Variants in KCNH7 observed in about 807,000 individuals in gnomAD.
KCNH7 encodes potassium voltage-gated channel subfamily H member 7.
KCNH7 carries 49 observed loss-of-function variants against 120.8 expected under a neutral mutation model. The ratio of observed to expected loss-of-function variants is 0.41; its 90% confidence interval spans 0.32 to 0.51. KCNH7 has a LOEUF of 0.51. Ranked by LOEUF, KCNH7 falls within the 20% of genes least tolerant of loss-of-function variation. The pLI, the probability that KCNH7 is intolerant of heterozygous loss-of-function variation, is 0.38. For missense variants in KCNH7, 1,097 were observed against 1,446.6 expected (o/e 0.76, Z 3.92); for synonymous variants, 547 against 516.1 (o/e 1.06, Z -0.81).
intron 6 of KCNH7, among the ~76,000 whole-genome samples, chr2:162,476,129 T>C (rs756015684): frequency 9.2e-5 from 14 of 152,182 alleles, no homozygotes; most frequent in Non-Finnish European, 1.8e-4. Context: ...AAGCCTGCCA[T>C]CTCATTAAAG....
chr2:162,626,817 C>T lies in KCNH7; in HGVS notation c.308-89737G>A, dbSNP rs539589929. 2.5e-3 allele frequency among the ~76,000 whole-genome samples: 378 copies of T among 152,090 alleles called. 1 individual carries two copies. The highest frequency in any genetic ancestry group is 4.2e-3 in the Non-Finnish European group (286 of 67,990). ...CATTAAAGGTAATTAGTTAAAAGGA[C>T]GATTATCATTATAGGAAATAGAGGG... On this transcript the variant is annotated intron_variant, in intron 2 of 15. Transcript: ENST00000332142.
At chr2:162,513,993 C>T (rs1029083078) in intron 4 of KCNH7, among the ~76,000 whole-genome samples, 1 of 151,704 alleles carries the variant, frequency 6.6e-6, no homozygotes, top group Non-Finnish European at 1.5e-5. Flanking sequence ...GCATTACTAG[C>T]TATGAAACAC....
At chr2:162,404,581 CT>C in intron 9 of KCNH7, among the ~76,000 whole-genome samples, 1 of 151,908 alleles carries the variant, frequency 6.6e-6, no homozygotes, top group East Asian at 2.0e-4. Flanking sequence ...GTAACACCTC[CT>C]TCCACTCTCT....
chr2:162,549,347 G>C lies in KCNH7; in HGVS notation c.308-12267C>G, dbSNP rs561624091. Among the ~76,000 whole-genome samples, 3 of 152,330 alleles carry C rather than the reference G, an allele frequency of 2.0e-5. No individual in the cohort carries two copies. The South Asian group carries it at 6.2e-4, about 32-fold the overall frequency. ...CTGGGGTTAATTCCATCAGCTGAAG[G>C]TTAAGCCGTTAGCTTCTCTAAACAG... On this transcript the variant is annotated intron_variant, in intron 2 of 15. Transcript: ENST00000332142.
At chr2:162,587,584 C>G (rs541132847) in intron 2 of KCNH7, among the ~76,000 whole-genome samples, 175 of 152,144 alleles carry the variant, frequency 1.2e-3, no homozygotes, top group African/African-American at 4.0e-3. Context: ...TAGTTACACA[C>G]ACACACGCAA....
chr2:162,404,221 A>G (rs184465986), intron 9 of KCNH7, among the ~76,000 whole-genome samples: 1 of 152,022 alleles, frequency 6.6e-6, no homozygotes, highest in East Asian at 2.0e-4. Context: ...TTGACTGTCC[A>G]TGCTTGAAGT....
At chr2:162,552,853 A>C (rs760442323) in intron 2 of KCNH7, among the ~76,000 whole-genome samples, 69 of 152,308 alleles carry the variant, frequency 4.5e-4, no homozygotes, top group Non-Finnish European at 9.1e-4. Context: ...GCCATTAACC[A>C]GTGAGTTTGG....
intron 2 of KCNH7, among the ~76,000 whole-genome samples, chr2:162,814,064 C>T (rs1046829362): frequency 7.2e-5 from 11 of 152,058 alleles, no homozygotes; most frequent in African/African-American, 2.7e-4. Flanking sequence ...TGATGCCAAG[C>T]GACCTTGGGC....
chr2:162,439,388 G>T (rs551926821), intron 7 of KCNH7, among the ~76,000 whole-genome samples: 2 of 152,102 alleles, frequency 1.3e-5, no homozygotes, highest in Admixed American at 6.6e-5. Context: ...TACAAAAACA[G>T]GTGAGTCATT....
At chr2:162,772,026 A>G (rs1683073014) in intron 2 of KCNH7, 1 of 152,192 alleles carries the variant, frequency 6.6e-6, no homozygotes, top group South Asian at 2.1e-4. Context: ...AAGTATAAAG[A>G]TAAGAAGAAC....
chr2:162,417,804 T>G (rs1687584664), intron 9 of KCNH7, among the ~76,000 whole-genome samples: 1 of 152,162 alleles, frequency 6.6e-6, no homozygotes. Flanking sequence ...AAGATGAACA[T>G]GTACCATTTG....
intron 2 of KCNH7, among the ~76,000 whole-genome samples, chr2:162,578,341 G>T (rs1341369294): frequency 2.0e-5 from 3 of 151,944 alleles, no homozygotes; most frequent in Non-Finnish European, 4.4e-5. Context: ...GTGCTTTACG[G>T]CTTTCAAACA....
chr2:162,790,046 T>C (rs1015261732), intron 2 of KCNH7, among the ~76,000 whole-genome samples: 6 of 151,358 alleles, frequency 4.0e-5, no homozygotes, highest in African/African-American at 1.2e-4. Context: ...TCAATAAAAA[T>C]AGGAGTTGTT....
chr2:162,796,297 T>A (rs185126540), intron 2 of KCNH7: 219 of 152,016 alleles, frequency 1.4e-3, no homozygotes, highest in African/African-American at 4.9e-3. Context: ...AGATTGAATG[T>A]GATAATGCAT....
intron 7 of KCNH7, among the ~76,000 whole-genome samples, chr2:162,444,815 A>G (rs1003959957): frequency 6.6e-6 from 1 of 152,186 alleles, no homozygotes; most frequent in Non-Finnish European, 1.5e-5. Context: ...GTTAAAACCC[A>G]AAGTTAGGAG....
intron 2 of KCNH7, among the ~76,000 whole-genome samples, chr2:162,607,182 C>T (rs1317041394): frequency 6.7e-6 from 1 of 148,186 alleles, no homozygotes; most frequent in Non-Finnish European, 1.5e-5. Context: ...CGAGACCAGC[C>T]TGGCCAATAT....
At chr2:162,471,420 G>T (rs542426388) in intron 6 of KCNH7, among the ~76,000 whole-genome samples, 1 of 152,118 alleles carries the variant, frequency 6.6e-6, no homozygotes, top group South Asian at 2.1e-4. Flanking sequence ...GCTTGTGCTT[G>T]TGTGTGTGTA....
At chr2:162,547,959 C>A (rs1042012643) in intron 2 of KCNH7, among the ~76,000 whole-genome samples, 2 of 152,252 alleles carry the variant, frequency 1.3e-5, no homozygotes, top group Admixed American at 6.5e-5. Context: ...TTAGGTATGT[C>A]AGGCACAAGA....
At position 162,371,950 on chromosome 2, in the gene KCNH7, C is replaced by T. The variant is rs374095828; in HGVS notation, c.3470G>A (p.Arg1157Gln). The change falls in exon 16 of 16, where the codon CGG (arginine) becomes CAG (glutamine). Residue 1157 changes from arginine (R) to glutamine (Q), a missense_variant. Physicochemically the swap from Arg to Gln is conservative, Grantham distance 43. Around this residue, in one of 8 missense-constraint regions of KCNH7, gnomAD observed 406 missense variants for 410.5 expected, o/e 0.99. Coordinates refer to ENST00000332142, the MANE Select transcript of KCNH7 (RefSeq NM_033272.4). Reference protein sequence around the residue: ...DSDLSLELHLRQRKTYVHPIR... With the variant: ...DSDLSLELHLQQRKTYVHPIR... ...TGGATGAACGTAAGTTTTTCTTTGC[C>T]GCAGGTGAAGCTCTAAAGAGAGATC... is the stretch of plus-strand genomic sequence containing the variant. The T allele has an allele frequency of 3.2e-5, 52 of 1,613,718 alleles. No homozygotes were observed. In the African/African-American group the frequency reaches 4.1e-4, roughly 13 times the overall value.
Sources: gnomAD v4.1 joint callset for allele counts (sites outside exome capture counted in the v4.1 genomes callset) on GRCh38, gnomAD v4.1.1 for gene constraint, gnomAD v4.1.1 regional missense constraint, MANE v1.5 for transcripts, NCBI Gene and HGNC (gene_info 2026-07-23, HGNC 2026-07-21) for gene names.